The following TOGARAM1 variants were observed in gnomAD, a reference collection of about 807,000 sequenced individuals.
The protein encoded by TOGARAM1 is TOG array regulator of axonemal microtubules 1, also known as TOG array regulator of axonemal microtubules protein 1.
TOGARAM1 carries 100 observed loss-of-function variants against 166.6 expected under a neutral mutation model. The ratio of observed to expected loss-of-function variants is 0.60; its 90% confidence interval spans 0.51 to 0.71. TOGARAM1 has a LOEUF of 0.71. TOGARAM1 is among the 30% of genes least tolerant of loss of function. The pLI is 0.00. For synonymous variants in TOGARAM1, 758 were observed against 763.8 expected (o/e 0.99, Z 0.13); for missense variants, 2,029 against 2,102.7 (o/e 0.96, Z 0.69).
At chr14:45,068,718 T>G (rs962396315) in intron 18 of TOGARAM1, 75 bp downstream of exon 18, 3 of 1,118,034 alleles carry the variant, frequency 2.7e-6, no homozygotes, top group Non-Finnish European at 3.8e-6. Flanking sequence ...CATACTTTTT[T>G]TGTAATGCTG....
In TOGARAM1 at chr14:45,066,653, A is replaced by G. The variant is rs921991268; in HGVS notation, c.4635A>G (p.Lys1545=). The part of the protein sequence containing the change: ...RNSLESAEYL[K]LITGLLNAKD... Reference sequence around the variant, plus strand: ...CCTTAGAAAGTGCTGAGTACCTTAAACTCATAACTGGCTTATTAAATGCAA... The same window carrying G: ...CCTTAGAAAGTGCTGAGTACCTTAAGCTCATAACTGGCTTATTAAATGCAA... The change falls in exon 17 of 20, where the codon AAA becomes AAG. Residue 1545 remains lysine, a synonymous_variant. Coordinates refer to ENST00000361462, the MANE Select transcript of TOGARAM1 (RefSeq NM_001308120.2). 6.2e-7 allele frequency: 1 copy of G among 1,613,858 alleles called. No homozygotes were observed. Among genetic ancestry groups the G allele is most frequent in the Non-Finnish European group, 8.5e-7 (1 of 1,179,802 alleles).
intron 13 of TOGARAM1, among the ~76,000 whole-genome samples, chr14:45,046,130 ATTTAAC>A (rs1882054948): frequency 6.8e-6 from 1 of 148,080 alleles, no homozygotes; most frequent in African/African-American, 2.6e-5. Context: ...CTGTTAAATC[ATTTAAC>A]TTTAAGATAG....
At chr14:45,035,306 G>A (rs1227880114) in intron 11 of TOGARAM1, among the ~76,000 whole-genome samples, 2 of 151,966 alleles carry the variant, frequency 1.3e-5, no homozygotes, top group Non-Finnish European at 2.9e-5. Flanking sequence ...GTTGCAGTGA[G>A]CTGAGATCGT....
At position 44,963,587 on chromosome 14, in the gene TOGARAM1, A is replaced by T. The variant is rs754590882; in HGVS notation, c.1166A>T (p.His389Leu). 1 of 1,613,694 alleles carries T rather than the reference A, an allele frequency of 6.2e-7. No individual in the cohort carries two copies. Among genetic ancestry groups the T allele is most frequent in the Admixed American group, 1.7e-5 (1 of 59,982 alleles). The change falls in exon 1 of 20, where the codon CAT becomes CTT. Residue 389 changes from histidine (H) to leucine (L), a missense_variant. This residue lies in a region of TOGARAM1 where 1,453 missense variants were observed against 1,432.2 expected (regional missense o/e 1.01). Transcript: ENST00000361462. ...AAATTTAACCCTAGTTCTACTCCTC[A>T]TTCTAGTCTTGTTGGCTTCATTAGT... Reference protein sequence around the residue: ...LGKFNPSSTPHSSLVGFISLL... With the variant: ...LGKFNPSSTPLSSLVGFISLL...
chr14:45,048,314 CAAA>C (rs1165258521), intron 14 of TOGARAM1, among the ~76,000 whole-genome samples: 4 of 43,728 alleles, frequency 9.1e-5, no homozygotes, highest in Admixed American at 2.4e-4. Context: ...GACTCCATCT[CAAA>C]AAAAAAAAAA....
chr14:45,021,157 C>T (rs1296035723), intron 7 of TOGARAM1, among the ~76,000 whole-genome samples: 2 of 152,290 alleles, frequency 1.3e-5, no homozygotes, highest in East Asian at 1.9e-4. Flanking sequence ...GCCCATCAGA[C>T]ATACTGGTAT....
chr14:45,055,013 C>T lies in TOGARAM1; in HGVS notation c.4559+464C>T, dbSNP rs759125002. On this transcript the variant is annotated intron_variant, in intron 16 of 19. Transcript: ENST00000361462. ...GCAGAATTGTTTGAGCTCAGGAGTT[C>T]GAGATCAGCCTGGGCAACATGGCAA... 7.2e-5 allele frequency among the ~76,000 whole-genome samples: 11 copies of T among 152,034 alleles called. 1 individual carries two copies. In the East Asian group the frequency reaches 1.2e-3, roughly 16 times the overall value.
At position 45,045,541 on chromosome 14, in the gene TOGARAM1, G is replaced by A. The variant is rs868696164; in HGVS notation, c.4154+671G>A. On this transcript the variant is annotated intron_variant, in intron 13 of 19. Transcript: ENST00000361462. ...CAGAGTAGTATTCCATGGTCTGTGT[G>A]TGTATATATATATATATATATATAT... Among the ~76,000 whole-genome samples, 148 of 50,334 alleles carry A rather than the reference G, an allele frequency of 2.9e-3. 1 individual carries two copies. The highest frequency in any genetic ancestry group is 4.3e-3 in the Non-Finnish European group (131 of 30,580). The allele number at this position is 50,334 out of a possible 152,430, so 33.0% of individuals were successfully genotyped here. A position where few individuals can be genotyped will look rare whatever the true frequency, so the allele number is the denominator to read the frequency against.
At chr14:45,065,104 A>C (rs923003338) in intron 16 of TOGARAM1, among the ~76,000 whole-genome samples, 2 of 152,172 alleles carry the variant, frequency 1.3e-5, no homozygotes, top group Non-Finnish European at 2.9e-5. Flanking sequence ...CAGTGAGCCA[A>C]GATCATGCCA....
intron 1 of TOGARAM1, among the ~76,000 whole-genome samples, chr14:44,967,971 T>A (rs1885651917): frequency 6.6e-6 from 1 of 152,206 alleles, no homozygotes. Flanking sequence ...ATGTGTCAAG[T>A]CTGAGATGTC....
chr14:44,974,102 C>T (rs541219971), intron 1 of TOGARAM1, among the ~76,000 whole-genome samples: 1 of 151,590 alleles, frequency 6.6e-6, no homozygotes, highest in Non-Finnish European at 1.5e-5. Flanking sequence ...CAAATATTTC[C>T]TCTATTCTTT....
At chr14:44,989,155 T>C (rs931443763) in intron 1 of TOGARAM1, among the ~76,000 whole-genome samples, 2 of 152,206 alleles carry the variant, frequency 1.3e-5, no homozygotes, top group African/African-American at 4.8e-5. Context: ...AGACACTTTT[T>C]TTCGATGTCC....
chr14:45,061,834 T>G (rs573372241), intron 16 of TOGARAM1, among the ~76,000 whole-genome samples: 1 of 152,116 alleles, frequency 6.6e-6, no homozygotes, highest in Non-Finnish European at 1.5e-5. Context: ...TAGAATGTCT[T>G]TGGATTTGGT....
chr14:44,996,148 T>G (rs1207330771), intron 2 of TOGARAM1: 3 of 237,394 alleles, frequency 1.3e-5, no homozygotes, highest in Non-Finnish European at 2.4e-5. Context: ...CCCATATTTA[T>G]TAAGGTGCTT....
intron 10 of TOGARAM1, among the ~76,000 whole-genome samples, chr14:45,030,292 A>G (rs1013227154): frequency 2.0e-5 from 3 of 152,210 alleles, no homozygotes; most frequent in African/African-American, 7.2e-5. Context: ...GTGTTTATCT[A>G]TATCTCTTTC....
chr14:44,998,513 G>A (rs559524510), intron 2 of TOGARAM1, among the ~76,000 whole-genome samples: 3 of 152,272 alleles, frequency 2.0e-5, no homozygotes, highest in African/African-American at 4.8e-5. Context: ...TCAGGAGTTC[G>A]AGACCAGCCT....
chr14:44,995,670 A>T (rs1383990914), intron 1 of TOGARAM1, 76 bp from the exon 2 acceptor site: 5 of 1,004,736 alleles, frequency 5.0e-6, no homozygotes, highest in Non-Finnish European at 7.2e-6. Context: ...TCATAATTGG[A>T]TCTAAGTTAT....
intron 1 of TOGARAM1, among the ~76,000 whole-genome samples, chr14:44,983,377 G>A (rs1001838892): frequency 1.3e-5 from 2 of 152,162 alleles, no homozygotes; most frequent in African/African-American, 4.8e-5. Context: ...TCAAAAGAAA[G>A]GAAGATATGA....
chr14:44,967,990 T>C (rs1359574510), intron 1 of TOGARAM1, among the ~76,000 whole-genome samples: 1 of 152,182 alleles, frequency 6.6e-6, no homozygotes, highest in Non-Finnish European at 1.5e-5. Context: ...TCAGTGTATA[T>C]ATTATTAAAA....
Sources: allele counts gnomAD v4.1 joint callset (sites outside exome capture counted in the v4.1 genomes callset), GRCh38; gene constraint gnomAD v4.1.1; regional missense constraint gnomAD v4.1.1; transcripts MANE v1.5; gene names NCBI Gene and HGNC (gene_info 2026-07-23, HGNC 2026-07-21).